SLC9B1: variants seen among roughly 807,000 people sequenced by gnomAD.
SLC9B1 encodes the protein solute carrier family 9 member B1, also known as sodium/hydrogen exchanger 9B1.
SLC9B1 carries 32 observed loss-of-function variants against 51.7 expected under a neutral mutation model. The observed-to-expected ratio is 0.62, with a 90% CI of 0.47 to 0.83. The LOEUF (loss-of-function observed/expected upper bound fraction) is 0.83, where lower values mean the gene tolerates loss of function less well. SLC9B1 is among the 40% of genes least tolerant of loss of function. SLC9B1 has a pLI of 0.00. For missense variants in SLC9B1, 406 were observed against 613.2 expected (o/e 0.66, Z 3.57); for synonymous variants, 145 against 212.7 (o/e 0.68, Z 2.77).
At chr4:102,904,883 C>A (rs1219459417) in intron 11 of SLC9B1, among the ~76,000 whole-genome samples, 1 of 151,910 alleles carries the variant, frequency 6.6e-6, no homozygotes, top group Non-Finnish European at 1.5e-5. Flanking sequence ...ACTCAGAAGG[C>A]TGAGGCAGGA....
At chr4:102,985,367 TG>T (rs1469374825) in intron 3 of SLC9B1, among the ~76,000 whole-genome samples, 1 of 152,186 alleles carries the variant, frequency 6.6e-6, no homozygotes, top group African/African-American at 2.4e-5. Flanking sequence ...TGCCCTTCTT[TG>T]TTCCTACTTT....
intron 11 of SLC9B1, among the ~76,000 whole-genome samples, chr4:102,902,503 T>G (rs1734836098): frequency 6.6e-6 from 1 of 152,080 alleles, no homozygotes; most frequent in South Asian, 2.1e-4. Flanking sequence ...GAAGAGGATT[T>G]GAACATAAAA....
intron 3 of SLC9B1, among the ~76,000 whole-genome samples, chr4:102,987,761 A>C (rs538873701): frequency 3.9e-4 from 60 of 152,272 alleles, no homozygotes; most frequent in Non-Finnish European, 7.8e-4. Flanking sequence ...GCTTTAGCCA[A>C]GTTTTAAATT....
intron 7 of SLC9B1, among the ~76,000 whole-genome samples, chr4:102,912,523 C>G (rs1472165136): frequency 1.3e-5 from 2 of 151,872 alleles, no homozygotes; most frequent in African/African-American, 2.4e-5. Context: ...AAAAATAGTT[C>G]AGTTAAGCTC....
intron 3 of SLC9B1, among the ~76,000 whole-genome samples, chr4:102,977,022 T>G (rs1459544017): frequency 6.6e-6 from 1 of 151,990 alleles, no homozygotes; most frequent in African/African-American, 2.4e-5. Flanking sequence ...TGGTGACATG[T>G]GCCTGCAGTC....
chr4:102,903,762 A>G (rs1385132632), intron 11 of SLC9B1, among the ~76,000 whole-genome samples: 1 of 152,224 alleles, frequency 6.6e-6, no homozygotes, highest in Admixed American at 6.5e-5. Flanking sequence ...GGGCAAAATT[A>G]CAAGGTTTCC....
rs768576495 is a variant in SLC9B1 at position 102,946,653 on chromosome 4, A to G, written c.519T>C (p.Asp173=). The change falls in exon 5 of 12, where the codon GAT becomes GAC. Residue 173 remains aspartate, a synonymous_variant. Transcript: ENST00000296422. ...TTTGTAATTGTAAATCTACCTGTGG[A>G]TCGAGTCCAAGCCCAGCTCTTATTA... is the stretch of plus-strand genomic sequence containing the variant. The part of the protein sequence containing the change: ...IILIRAGLGL[D]PQALRHLKVV... 79 of 1,605,334 alleles carry G rather than the reference A, an allele frequency of 4.9e-5. No homozygotes were observed. Among genetic ancestry groups the G allele is most frequent in the Non-Finnish European group, 6.0e-5 (71 of 1,178,008 alleles).
chr4:102,950,469 C>T (rs1242001853), intron 3 of SLC9B1, among the ~76,000 whole-genome samples: 1 of 152,102 alleles, frequency 6.6e-6, no homozygotes, highest in Non-Finnish European at 1.5e-5. Context: ...TAAATTGCTA[C>T]CTTTATTTGC....
In SLC9B1 at chr4:102,930,494, T is replaced by C. The variant is rs140297946; in HGVS notation, c.829+1630A>G. ...TGGATAGCTCACTACGGCCTCCGCC[T>C]CCTGGGTTCAAGTGATTCTTCTGCT... is the stretch of plus-strand genomic sequence containing the variant. On this transcript the variant is annotated intron_variant, in intron 7 of 11. Coordinates refer to ENST00000296422, the MANE Select transcript of SLC9B1 (RefSeq NM_139173.4). Among the ~76,000 whole-genome samples the C allele has an allele frequency of 5.2e-3, 786 of 152,358 alleles. 8 individuals carry two copies. The highest frequency in any genetic ancestry group is 0.018 in the African/African-American group (747 of 41,576).
intron 7 of SLC9B1, among the ~76,000 whole-genome samples, chr4:102,920,710 C>A (rs1339816051): frequency 6.6e-6 from 1 of 152,104 alleles, no homozygotes; most frequent in Non-Finnish European, 1.5e-5. Context: ...GTAGAGAAGA[C>A]CTTAAGTGAC....
At chr4:102,998,170 C>G (rs1043647677) in intron 1 of SLC9B1, among the ~76,000 whole-genome samples, 5 of 152,078 alleles carry the variant, frequency 3.3e-5, no homozygotes, top group Non-Finnish European at 2.9e-5. Context: ...CAATAACTTC[C>G]CATTCTCCCC....
At chr4:102,992,441 A>T (rs1739990762) in intron 1 of SLC9B1, among the ~76,000 whole-genome samples, 1 of 152,168 alleles carries the variant, frequency 6.6e-6, no homozygotes, top group South Asian at 2.1e-4. Flanking sequence ...TCTTATTACC[A>T]TATCCTGTAG....
intron 2 of SLC9B1, 101 bp downstream of exon 2, chr4:102,991,542 C>T: frequency 1.4e-6 from 1 of 737,122 alleles, no homozygotes; most frequent in South Asian, 2.6e-5. Context: ...CATTTTTAAC[C>T]AGATATATAA....
At chr4:102,957,696 C>T (rs1737877564) in intron 3 of SLC9B1, among the ~76,000 whole-genome samples, 1 of 152,066 alleles carries the variant, frequency 6.6e-6, no homozygotes, top group Admixed American at 6.6e-5. Context: ...CACCAGATGG[C>T]AACTTGAACC....
chr4:103,001,620 T>A (rs1335211609), intron 1 of SLC9B1, among the ~76,000 whole-genome samples: 1 of 152,188 alleles, frequency 6.6e-6, no homozygotes, highest in Non-Finnish European at 1.5e-5. Flanking sequence ...TGAAATTCAG[T>A]GTCCATATCA....
At chr4:102,917,604 T>G (rs1025728763) in intron 7 of SLC9B1, among the ~76,000 whole-genome samples, 25 of 151,884 alleles carry the variant, frequency 1.6e-4, no homozygotes, top group African/African-American at 5.6e-4. Flanking sequence ...AACACAACAT[T>G]CCAAAGCTTG....
intron 1 of SLC9B1, among the ~76,000 whole-genome samples, chr4:103,013,732 C>T (rs542289132): frequency 1.6e-4 from 24 of 152,342 alleles, no homozygotes; most frequent in African/African-American, 4.8e-4. Flanking sequence ...AAGCCACCAT[C>T]GACCTAGTTG....
intron 7 of SLC9B1, among the ~76,000 whole-genome samples, chr4:102,922,868 TCTCTGAATAGACCAATAACAGG>T (rs2110446110): frequency 6.6e-6 from 1 of 152,212 alleles, no homozygotes; most frequent in African/African-American, 2.4e-5. Flanking sequence ...AGAAGTTGAA[TCTCTGAATAGACCAATAACAGG>T]CTCTGAAATT....
At chr4:102,927,347 C>G (rs543526392) in intron 7 of SLC9B1, among the ~76,000 whole-genome samples, 1 of 150,882 alleles carries the variant, frequency 6.6e-6, no homozygotes, top group East Asian at 2.0e-4. Flanking sequence ...TGCGATCTAC[C>G]CATTTGACAA....
Sources: allele counts gnomAD v4.1 joint callset (sites outside exome capture counted in the v4.1 genomes callset), GRCh38; gene constraint gnomAD v4.1.1; transcripts MANE v1.5; gene names NCBI Gene and HGNC (gene_info 2026-07-23, HGNC 2026-07-21).